Variants in SLC14A2 observed in about 807,000 individuals in gnomAD.
SLC14A2 encodes the protein urea transporter 2.
In SLC14A2, 91 loss-of-function variants were observed where a neutral mutation model predicts 104.6. The observed-to-expected ratio is 0.87, with a 90% CI of 0.73 to 1.04. The LOEUF is 1.04. Among genes scored for constraint, SLC14A2 ranks in the 50% least tolerant of loss-of-function variants. The probability of loss-of-function intolerance (pLI) is 0.00; values close to 1 mark genes in which losing one functional copy is unlikely to be tolerated. For missense variants in SLC14A2, 1,189 were observed against 1,156.0 expected, an observed-to-expected ratio of 1.03 and a Z score of -0.41; for synonymous variants, 476 against 466.4, an observed-to-expected ratio of 1.02 and a Z score of -0.27.
At chr18:45,325,663 G>C (rs553727087) in intron 1 of SLC14A2, among the ~76,000 whole-genome samples, 1 of 152,148 alleles carries the variant, frequency 6.6e-6, no homozygotes, top group Non-Finnish European at 1.5e-5. Flanking sequence ...TTTGATCCTC[G>C]TAACAGCCGT....
chr18:45,237,829 C>T (rs2084271455), intron 1 of SLC14A2, among the ~76,000 whole-genome samples: 1 of 152,168 alleles, frequency 6.6e-6, no homozygotes, highest in African/African-American at 2.4e-5. Flanking sequence ...CTGCAGGGCC[C>T]CTGGGAGTGC....
At chr18:45,606,097 G>A (rs919053804) in intron 2 of SLC14A2, among the ~76,000 whole-genome samples, 1 of 152,104 alleles carries the variant, frequency 6.6e-6, no homozygotes, top group Non-Finnish European at 1.5e-5. Context: ...GTATCAAGTT[G>A]GGGGAAGGAG....
intron 2 of SLC14A2, among the ~76,000 whole-genome samples, chr18:45,598,701 G>C (rs1186357302): frequency 6.6e-6 from 1 of 152,130 alleles, no homozygotes; most frequent in African/African-American, 2.4e-5. Context: ...AGGTGGGTCT[G>C]CATTGGCGGT....
intron 1 of SLC14A2, among the ~76,000 whole-genome samples, chr18:45,476,709 T>C (rs1350639442): frequency 6.6e-6 from 1 of 152,206 alleles, no homozygotes; most frequent in Non-Finnish European, 1.5e-5. Flanking sequence ...AATCTTGTCT[T>C]CATCCTTTAT....
chr18:45,497,609 C>T (rs2043122701), intron 2 of SLC14A2, among the ~76,000 whole-genome samples: 1 of 152,220 alleles, frequency 6.6e-6, no homozygotes, highest in Non-Finnish European at 1.5e-5. Flanking sequence ...TTGATGTATG[C>T]CCTGCTGGTA....
chr18:45,351,635 C>T (rs536427039), intron 1 of SLC14A2, among the ~76,000 whole-genome samples: 129 of 152,272 alleles, frequency 8.5e-4, no homozygotes, highest in African/African-American at 3.0e-3. Flanking sequence ...GTATTACAGG[C>T]GTGAGCCACC....
At position 45,637,104 on chromosome 18, in the gene SLC14A2, C is replaced by CCT. The variant is rs768101101; in HGVS notation, c.768_769dup (p.Phe257SerfsTer8). 1.9e-6 allele frequency: 3 copies of CCT among 1,614,220 alleles called. No homozygotes were observed. The highest frequency in any genetic ancestry group is 2.5e-6 in the Non-Finnish European group (3 of 1,180,014). Reference sequence around the variant, plus strand: ...ACCTTGCAGCCACAGGCCACTACAACCTCTTCTTCCCCACAACACTGGTAG... The same window carrying CCT: ...ACCTTGCAGCCACAGGCCACTACAACCTCTCTTCTTCCCCACAACACTGGTAG... On this transcript the variant is annotated frameshift_variant, in exon 6 of 20. Transcript: ENST00000255226. LOFTEE classifies it high-confidence loss of function.
At chr18:45,525,421 TGAA>T (rs1181368614) in intron 2 of SLC14A2, among the ~76,000 whole-genome samples, 1 of 152,198 alleles carries the variant, frequency 6.6e-6, no homozygotes, top group Non-Finnish European at 1.5e-5. Context: ...ATGCATGTCT[TGAA>T]GAATGTCTCC....
rs1315828250 is a variant in SLC14A2 at position 45,236,236 on chromosome 18, CAT to C, written c.-125+23050_-125+23051del. 2.6e-4 allele frequency among the ~76,000 whole-genome samples: 8 copies of C among 31,104 alleles called. No individual in the cohort carries two copies. The East Asian group carries it at 4.7e-3, about 18-fold the overall frequency. The allele number at this position is 31,104 out of a possible 152,430, so 20.4% of individuals were successfully genotyped here. ...ATGTGTGTATATATGTGTATATATA[CAT>C]ATATGTGTGTATATATGTGTATATA... On this transcript the variant is annotated intron_variant, in intron 1 of 20. Coordinates refer to the SLC14A2 transcript ENST00000586448.
intron 1 of SLC14A2, among the ~76,000 whole-genome samples, chr18:45,426,800 A>G (rs1158760088): frequency 1.3e-5 from 2 of 151,782 alleles, no homozygotes; most frequent in Non-Finnish European, 2.9e-5. Flanking sequence ...GAAGCAGAGT[A>G]TTGTCCCAGG....
rs542396063 is a variant in SLC14A2, at chr18:45,637,605, T to C, written c.843+423T>C. On this transcript the variant is annotated intron_variant, in intron 6 of 19. Coordinates refer to ENST00000255226, the MANE Select transcript of SLC14A2 (RefSeq NM_007163.4). ...AATTGGGATTTTAAAGGCATTAGCATAGAAGACAGAGGGTTAATTTTTATA... is the reference window on the plus strand; with the variant it reads ...AATTGGGATTTTAAAGGCATTAGCACAGAAGACAGAGGGTTAATTTTTATA... Among the ~76,000 whole-genome samples, 9 of 152,304 alleles carry C rather than the reference T, an allele frequency of 5.9e-5. No individual in the cohort carries two copies. The South Asian group carries it at 1.9e-3, about 32-fold the overall frequency.
chr18:45,614,246 G>A (rs2045022711), upstream of SLC14A2, among the ~76,000 whole-genome samples: 1 of 152,194 alleles, frequency 6.6e-6, no homozygotes, highest in African/African-American at 2.4e-5. Context: ...TTGAGGTTTG[G>A]GAACCTCCAC....
intron 1 of SLC14A2, among the ~76,000 whole-genome samples, chr18:45,462,481 C>G (rs2087063466): frequency 6.6e-6 from 1 of 152,140 alleles, no homozygotes; most frequent in African/African-American, 2.4e-5. Flanking sequence ...ATATTGTCCA[C>G]TAGAGTCTGA....
At chr18:45,318,701 C>A (rs1014717187) in intron 1 of SLC14A2, among the ~76,000 whole-genome samples, 1 of 151,778 alleles carries the variant, frequency 6.6e-6, no homozygotes, top group African/African-American at 2.4e-5. Flanking sequence ...GCAGGAGAAT[C>A]TCTTGAACCC....
chr18:45,229,795 T>C (rs1568110973), intron 1 of SLC14A2, among the ~76,000 whole-genome samples: 1 of 152,198 alleles, frequency 6.6e-6, no homozygotes, highest in Non-Finnish European at 1.5e-5. Flanking sequence ...TCAAGCAACC[T>C]TATTTAATCT....
At chr18:45,527,688 TTCTAAG>T (rs764411528) in intron 2 of SLC14A2, among the ~76,000 whole-genome samples, 3 of 152,214 alleles carry the variant, frequency 2.0e-5, no homozygotes, top group Non-Finnish European at 4.4e-5. Flanking sequence ...AAATCGTTTG[TTCTAAG>T]TCTATTTTTC....
chr18:45,380,569 A>T (rs552540040), intron 1 of SLC14A2, among the ~76,000 whole-genome samples: 2 of 152,350 alleles, frequency 1.3e-5, no homozygotes, highest in African/African-American at 4.8e-5. Context: ...TAGTAAAAAA[A>T]GTGGAATGCA....
At chr18:45,216,686 A>G (rs973364697) in intron 1 of SLC14A2, among the ~76,000 whole-genome samples, 1 of 151,874 alleles carries the variant, frequency 6.6e-6, no homozygotes, top group Non-Finnish European at 1.5e-5. Context: ...AGAACCACCT[A>G]TTTGAGACTT....
chr18:45,565,700 C>G (rs1351671170), intron 2 of SLC14A2, among the ~76,000 whole-genome samples: 9 of 152,220 alleles, frequency 5.9e-5, no homozygotes, highest in Admixed American at 5.9e-4. Context: ...CGCATCGGCT[C>G]CTACCCACAT....
Sources: gnomAD v4.1 joint callset for allele counts (sites outside exome capture counted in the v4.1 genomes callset) on GRCh38, gnomAD v4.1.1 for gene constraint, MANE v1.5 for transcripts, NCBI Gene and HGNC (gene_info 2026-07-23, HGNC 2026-07-21) for gene names.